The following CASZ1 variants were observed in gnomAD, a reference collection of about 807,000 sequenced individuals.
CASZ1 encodes the protein zinc finger protein castor homolog 1.
A neutral mutation model predicts 135.2 loss-of-function variants in CASZ1; 28 were observed. That is an observed-to-expected ratio of 0.21 (90% CI 0.15 to 0.28). The LOEUF (loss-of-function observed/expected upper bound fraction) is 0.28, where lower values mean the gene tolerates loss of function less well. Ranked by LOEUF, CASZ1 falls within the 10% of genes least tolerant of loss-of-function variation. The pLI is 1.00. For missense variants in CASZ1, 2,161 were observed against 2,453.3 expected (o/e 0.88, Z 2.52); for synonymous variants, 1,068 against 1,073.4 (o/e 0.99, Z 0.10).
intron 2 of CASZ1, among the ~76,000 whole-genome samples, chr1:10,753,741 G>C (rs1250355439): frequency 6.6e-6 from 1 of 152,186 alleles, no homozygotes; most frequent in Non-Finnish European, 1.5e-5. Flanking sequence ...CCCGCTCCCA[G>C]ATGAAACATC....
At chr1:10,655,854 C>A (rs764592921) in intron 8 of CASZ1, 41 bp from the exon 9 acceptor site, 3 of 1,600,008 alleles carry the variant, frequency 1.9e-6, no homozygotes, top group Non-Finnish European at 2.6e-6. Context: ...GCCTGAGCTC[C>A]CCCTCCGCCC....
intron 2 of CASZ1, among the ~76,000 whole-genome samples, chr1:10,749,411 C>A (rs780920963): frequency 2.0e-5 from 3 of 152,132 alleles, no homozygotes; most frequent in Admixed American, 6.5e-5. Context: ...CCATGCACAG[C>A]TAATTTTTTG....
intron 15 of CASZ1, chr1:10,648,861 G>A: frequency 4.8e-6 from 3 of 624,650 alleles, no homozygotes; most frequent in East Asian, 3.0e-5. Flanking sequence ...CCCAGGAAGG[G>A]CCTGGACAGG....
At position 10,645,312 on chromosome 1, in the gene CASZ1, C is replaced by T. The variant is rs905423245; in HGVS notation, c.3697-224G>A. Among the ~76,000 whole-genome samples the T allele has an allele frequency of 7.2e-5, 11 of 152,194 alleles. No individual in the cohort carries two copies. The East Asian group carries it at 2.1e-3, about 29-fold the overall frequency. ...TTGGGAGGCCGAGGTGGGCGGATCA[C>T]GAGATCAGGAGATCAAGACCATCCT... On this transcript the variant is annotated intron_variant, in intron 17 of 20. Transcript: ENST00000377022.
In CASZ1 at chr1:10,720,091, C is replaced by T. The variant is rs947055649; in HGVS notation, c.-76-14547G>A. On this transcript the variant is annotated intron_variant, in intron 2 of 20. Transcript: ENST00000377022. The surrounding 1 kb of genome is among the most constrained non-coding windows in gnomAD (Gnocchi z 5.7). ...GGCCTGGCCACAGAGAGCTTGGATC[C>T]GGCTGCAAGTTCTGAAGTCTGGTAG... is the stretch of plus-strand genomic sequence containing the variant. 3.3e-5 allele frequency among the ~76,000 whole-genome samples: 5 copies of T among 152,340 alleles called. No homozygotes were observed. In the East Asian group the frequency reaches 5.8e-4, roughly 18 times the overall value.
At chr1:10,780,345 G>A (rs1416963321) in intron 1 of CASZ1, among the ~76,000 whole-genome samples, 1 of 152,168 alleles carries the variant, frequency 6.6e-6, no homozygotes, top group African/African-American at 2.4e-5. Flanking sequence ...AGAGAACACT[G>A]GGGTCTCGCC....
At chr1:10,704,238 T>G (rs1639122393) in intron 3 of CASZ1, 1 of 152,304 alleles carries the variant, frequency 6.6e-6, no homozygotes, top group Non-Finnish European at 1.5e-5. Flanking sequence ...GATTCTAGAA[T>G]TCTCAACTCC....
At position 10,717,917 on chromosome 1, in the gene CASZ1, CG is replaced by C. The variant is rs1190197819; in HGVS notation, c.-76-12374del. ...TGGTGGGCCTTTAAGGCTGTGCAGC[CG>C]CTGCGAGCACGCCTGGTCGCCTCAG... On this transcript the variant is annotated intron_variant, in intron 2 of 20. Transcript: ENST00000377022. The surrounding 1 kb of genome is among the most constrained non-coding windows in gnomAD (Gnocchi z 4.6). 2.0e-5 allele frequency among the ~76,000 whole-genome samples: 3 copies of C among 152,244 alleles called. No individual in the cohort carries two copies. The highest frequency in any genetic ancestry group is 1.3e-4 in the Admixed American group (2 of 15,292).
chr1:10,650,841 C>A, intron 12 of CASZ1, 86 bp from the exon 13 acceptor site: 1 of 1,600,422 alleles, frequency 6.2e-7, no homozygotes, highest in Non-Finnish European at 8.6e-7. Context: ...CCCTGGGGCT[C>A]CAGCCGAGCC....
intron 2 of CASZ1, among the ~76,000 whole-genome samples, chr1:10,751,949 A>G (rs1387670798): frequency 6.6e-6 from 1 of 152,188 alleles, no homozygotes; most frequent in Middle Eastern, 3.2e-3. Flanking sequence ...CTCTGTCCAC[A>G]GGAACGGATC....
intron 4 of CASZ1, among the ~76,000 whole-genome samples, chr1:10,692,337 G>A (rs991579946): frequency 6.6e-6 from 1 of 152,226 alleles, no homozygotes; most frequent in African/African-American, 2.4e-5. Flanking sequence ...CCTGCCCCAG[G>A]TAAGGGGTGG....
intron 4 of CASZ1, among the ~76,000 whole-genome samples, chr1:10,673,705 G>C (rs368224724): frequency 6.6e-6 from 1 of 152,226 alleles, no homozygotes; most frequent in Non-Finnish European, 1.5e-5. Flanking sequence ...CATCTGGGGG[G>C]CTCTCACCTC....
chr1:10,730,877 G>A (rs1639691028), intron 2 of CASZ1, among the ~76,000 whole-genome samples: 2 of 152,178 alleles, frequency 1.3e-5, no homozygotes, highest in South Asian at 2.1e-4. Flanking sequence ...GGAGGCTGAG[G>A]TGGGTGGATC....
chr1:10,764,595 T>G (rs769191792), intron 1 of CASZ1, among the ~76,000 whole-genome samples: 14 of 152,328 alleles, frequency 9.2e-5, no homozygotes, highest in Non-Finnish European at 1.8e-4. Context: ...TCATACCATG[T>G]ACAGGTGCCA....
rs1557564672 is a variant in CASZ1 at position 10,775,315 on chromosome 1, G to A, written c.-233-14458C>T. ...TATCACCCCTTTCATTCCCTTCTCC[G>A]CCTACCTATAACCATCATCCAGTTC... is the stretch of plus-strand genomic sequence containing the variant. On this transcript the variant is annotated intron_variant, in intron 1 of 20. Coordinates refer to ENST00000377022, the MANE Select transcript of CASZ1 (RefSeq NM_001079843.3). 2.0e-5 allele frequency among the ~76,000 whole-genome samples: 3 copies of A among 151,972 alleles called. No homozygotes were observed. The South Asian group carries it at 6.3e-4, about 32-fold the overall frequency.
Position 10,660,364 on chromosome 1 carries a change from G to A in CASZ1, c.678C>T (p.Ser226=), listed in dbSNP as rs769559241. ...GCGCCCGCTTGCTGAGGGTATCCTC[G>A]GAGGTGGGCAGCATGGAGGAGGTGG... ...EAATSSMLPT[S]EDTLSKRARF... Residue 226 remains serine (S), a synonymous_variant, in exon 6 of 21, where the codon TCC becomes TCT. Transcript: ENST00000377022. The A allele has an allele frequency of 2.1e-5, 34 of 1,614,038 alleles. No homozygotes were observed. The highest frequency in any genetic ancestry group is 1.6e-4 in the Middle Eastern group (1 of 6,084).
rs897383817 is a variant in CASZ1, at chr1:10,706,949, C to T, written c.-76-1405G>A. Among the ~76,000 whole-genome samples the T allele has an allele frequency of 6.6e-6, 1 of 151,972 alleles. No homozygotes were observed. Among genetic ancestry groups the T allele is most frequent in the Non-Finnish European group, 1.5e-5 (1 of 67,968 alleles). On this transcript the variant is annotated intron_variant, in intron 2 of 20. Coordinates refer to ENST00000377022, the MANE Select transcript of CASZ1 (RefSeq NM_001079843.3). The surrounding 1 kb of genome is among the most constrained non-coding windows in gnomAD (Gnocchi z 4.3). ...GAATAAGGAAAAGAGAAGGAGCTGG[C>T]CAGGAGAGGAGAGGATGGAGGAGGA...
intron 4 of CASZ1, among the ~76,000 whole-genome samples, chr1:10,681,451 C>T (rs757686162): frequency 1.3e-5 from 2 of 152,146 alleles, no homozygotes; most frequent in South Asian, 4.1e-4. Flanking sequence ...AGAAACTGCT[C>T]CTTCACCTCA....
chr1:10,660,158 G>C lies in CASZ1; in HGVS notation c.884C>G (p.Pro295Arg). ...LETKATILPLPSHSSVQMQNL... is the reference protein window; with the variant it reads ...LETKATILPLRSHSSVQMQNL... ...CTGCATCTGGACACTGCTGTGCGAC[G>C]GCAGGGGCAGGATGGTGGCCTTGGT... Residue 295 changes from proline to arginine, a missense_variant, in exon 6 of 21, where the codon CCG becomes CGG. Pro to Arg is a moderately radical substitution (Grantham distance 103, BLOSUM62 -2). Transcript: ENST00000377022. 1 of 1,614,050 alleles carries C rather than the reference G, an allele frequency of 6.2e-7. No individual in the cohort carries two copies.
Sources: gnomAD v4.1 joint callset for allele counts (sites outside exome capture counted in the v4.1 genomes callset) on GRCh38, gnomAD v4.1.1 for gene constraint, Gnocchi (gnomAD v3.1) non-coding constraint, MANE v1.5 for transcripts, NCBI Gene and HGNC (gene_info 2026-07-23, HGNC 2026-07-21) for gene names.